Variants in SPAG16 observed in about 807,000 individuals in gnomAD.
SPAG16 encodes sperm-associated antigen 16 protein.
In SPAG16, 86 loss-of-function variants were observed where a neutral mutation model predicts 80.4. That is an observed-to-expected ratio of 1.07 (90% CI 0.90 to 1.28). The LOEUF (loss-of-function observed/expected upper bound fraction) is 1.28. Ranked by LOEUF, SPAG16 falls within the 50% of genes most tolerant of loss-of-function variation. The pLI is 0.00. For missense variants in SPAG16, 870 were observed against 765.3 expected (o/e 1.14, Z -1.61); for synonymous variants, 294 against 265.9 (o/e 1.11, Z -1.03).
chr2:213,574,702 G>GATAT lies in SPAG16; in HGVS notation c.1070+84615_1070+84618dup, dbSNP rs964885503. The stretch of plus-strand genomic sequence containing the variant: ...GATATATGATATATATATGATATAT[G>GATAT]ATATATGATATATATATATATGAGC... On this transcript the variant is annotated intron_variant, in intron 10 of 15. Transcript: ENST00000331683. 1.4e-5 allele frequency among the ~76,000 whole-genome samples: 2 copies of GATAT among 146,464 alleles called. 1 individual carries two copies. Among genetic ancestry groups the GATAT allele is most frequent in the African/African-American group, 5.0e-5 (2 of 39,634 alleles).
chr2:213,902,678 C>T (rs559721152), intron 11 of SPAG16, among the ~76,000 whole-genome samples: 14 of 152,250 alleles, frequency 9.2e-5, no homozygotes, highest in South Asian at 2.1e-4. Context: ...CCAAATCTCA[C>T]GTCCTCACAT....
At chr2:214,001,794 G>A (rs1400613928) in intron 12 of SPAG16, among the ~76,000 whole-genome samples, 1 of 152,060 alleles carries the variant, frequency 6.6e-6, no homozygotes, top group African/African-American at 2.4e-5. Flanking sequence ...GGACTCAATG[G>A]TAAACTATTT....
chr2:213,795,911 T>C (rs2070997455), intron 10 of SPAG16, among the ~76,000 whole-genome samples: 1 of 152,228 alleles, frequency 6.6e-6, no homozygotes, highest in Non-Finnish European at 1.5e-5. Context: ...ATGAGCCAGA[T>C]AGCCTCTATT....
chr2:214,181,817 G>T (rs186103109), intron 15 of SPAG16, among the ~76,000 whole-genome samples: 9 of 151,520 alleles, frequency 5.9e-5, no homozygotes, highest in African/African-American at 2.2e-4. Context: ...GGAAAAAGAC[G>T]ATTTGACCTA....
At chr2:213,757,733 C>T (rs1486274377) in intron 10 of SPAG16, among the ~76,000 whole-genome samples, 1 of 152,148 alleles carries the variant, frequency 6.6e-6, no homozygotes. Flanking sequence ...CAGCTGTGCA[C>T]ATGTTACTGG....
In SPAG16 at chr2:213,976,135, T is replaced by TATATATATATATATACAC. The variant is rs749957411; in HGVS notation, c.1401-37815_1401-37814insTATATATATATATACACA. Among the ~76,000 whole-genome samples the TATATATATATATATACAC allele has an allele frequency of 2.0e-3, 164 of 81,362 alleles. 1 individual carries two copies. Among genetic ancestry groups the TATATATATATATATACAC allele is most frequent in the South Asian group, 8.6e-3 (14 of 1,636 alleles). 53.4% of individuals were successfully genotyped at this position (81,362 alleles called of 152,430 possible). A position where few individuals can be genotyped will look rare whatever the true frequency, so the allele number is the denominator to read the frequency against. On this transcript the variant is annotated intron_variant, in intron 12 of 15. Coordinates refer to ENST00000331683, the MANE Select transcript of SPAG16 (RefSeq NM_024532.5). ...ATATATATATATATATATATATATA[T>TATATATATATATATACAC]ACACACACACACACACACACGTATG...
intron 12 of SPAG16, among the ~76,000 whole-genome samples, chr2:213,971,248 C>G (rs1030981747): frequency 2.6e-5 from 4 of 152,206 alleles, no homozygotes; most frequent in Admixed American, 1.3e-4. Flanking sequence ...ATTAACAGCA[C>G]CTTTTCAATC....
rs1214465515 is a variant in SPAG16 at position 213,455,257 on chromosome 2, G to A, written c.943-34706G>A. On this transcript the variant is annotated intron_variant, in intron 9 of 15. Transcript: ENST00000331683. Reference sequence around the variant, plus strand: ...AAAAGAAAAATTCACATGTACTTTTGTGATGGAGTAGCTTAACTTCAAAAT... The same window carrying A: ...AAAAGAAAAATTCACATGTACTTTTATGATGGAGTAGCTTAACTTCAAAAT... 7.9e-5 allele frequency among the ~76,000 whole-genome samples: 12 copies of A among 152,296 alleles called. No homozygotes were observed. In the East Asian group the frequency reaches 2.1e-3, roughly 27 times the overall value.
chr2:214,218,285 C>T (rs2058483499), intron 15 of SPAG16, among the ~76,000 whole-genome samples: 1 of 152,134 alleles, frequency 6.6e-6, no homozygotes, highest in Non-Finnish European at 1.5e-5. Context: ...TCCCCTTAAA[C>T]AGTCTGGGGG....
At chr2:213,341,987 CAG>C (rs1286191185) in intron 6 of SPAG16, among the ~76,000 whole-genome samples, 2 of 152,056 alleles carry the variant, frequency 1.3e-5, no homozygotes, top group Admixed American at 6.6e-5. Flanking sequence ...ATAGATTAAA[CAG>C]AGTTTTTCTA....
intron 15 of SPAG16, among the ~76,000 whole-genome samples, chr2:214,182,883 A>T (rs1208399624): frequency 6.6e-6 from 1 of 151,840 alleles, no homozygotes; most frequent in Non-Finnish European, 1.5e-5. Context: ...TATGACATAC[A>T]CTTTAAATTT....
At chr2:213,307,580 T>C (rs6435767) in intron 3 of SPAG16, among the ~76,000 whole-genome samples, 140,312 of 144,052 alleles carry the variant, frequency 0.97, 68,450 homozygotes, top group East Asian at 1. Context: ...GTATATGTGC[T>C]ACATTTTCTT....
At chr2:213,878,233 T>G (rs1338196396) in intron 11 of SPAG16, among the ~76,000 whole-genome samples, 1 of 149,760 alleles carries the variant, frequency 6.7e-6, no homozygotes, top group East Asian at 2.0e-4. Flanking sequence ...AGTTCTATTT[T>G]TAGTTCTCTG....
intron 3 of SPAG16, among the ~76,000 whole-genome samples, chr2:213,309,518 T>C (rs1170647989): frequency 6.6e-6 from 1 of 152,108 alleles, no homozygotes; most frequent in Non-Finnish European, 1.5e-5. Flanking sequence ...TTGATTAACA[T>C]GCTATGTGCT....
intron 12 of SPAG16, among the ~76,000 whole-genome samples, chr2:214,011,068 G>A (rs2047259210): frequency 6.9e-6 from 1 of 144,254 alleles, no homozygotes; most frequent in Non-Finnish European, 1.5e-5. Context: ...TTATTTTATT[G>A]TTAAATTTCA....
intron 15 of SPAG16, among the ~76,000 whole-genome samples, chr2:214,290,811 C>T (rs1693740940): frequency 6.6e-6 from 1 of 152,096 alleles, no homozygotes; most frequent in South Asian, 2.1e-4. Context: ...ATGGTTTATC[C>T]TGAAGAATGT....
At chr2:214,042,883 G>C (rs577672297) in intron 13 of SPAG16, among the ~76,000 whole-genome samples, 1 of 152,066 alleles carries the variant, frequency 6.6e-6, no homozygotes, top group Non-Finnish European at 1.5e-5. Context: ...TACTTTGTTA[G>C]TATAGTGGGT....
At chr2:213,609,500 T>A (rs1395184420) in intron 10 of SPAG16, among the ~76,000 whole-genome samples, 2 of 152,176 alleles carry the variant, frequency 1.3e-5, no homozygotes, top group East Asian at 3.8e-4. Flanking sequence ...GCTAAGTTGG[T>A]TTTCTTACAT....
intron 10 of SPAG16, among the ~76,000 whole-genome samples, chr2:213,588,419 A>G (rs1420248238): frequency 1.3e-5 from 2 of 152,088 alleles, no homozygotes; most frequent in African/African-American, 4.8e-5. Flanking sequence ...AATTATTTTT[A>G]AGGAAAACAC....
Sources: allele counts gnomAD v4.1 joint callset (sites outside exome capture counted in the v4.1 genomes callset), GRCh38; gene constraint gnomAD v4.1.1; transcripts MANE v1.5; gene names NCBI Gene and HGNC (gene_info 2026-07-23, HGNC 2026-07-21).